ARHGAP31: variants seen among roughly 807,000 people sequenced by gnomAD.
ARHGAP31 encodes rho GTPase-activating protein 31.
Under a neutral mutation model 113.9 loss-of-function variants are expected in ARHGAP31, and 34 were observed. The ratio of observed to expected loss-of-function variants is 0.30; its 90% CI spans 0.23 to 0.40. The LOEUF is 0.40. Among genes scored for constraint, ARHGAP31 ranks in the 10% least tolerant of loss-of-function variants. The pLI is 1.00. For missense variants in ARHGAP31, 1,548 were observed against 1,767.1 expected, an observed-to-expected ratio of 0.88 and a Z score of 2.22; for synonymous variants, 650 against 684.8, an observed-to-expected ratio of 0.95 and a Z score of 0.79.
chr3:119,373,442 T>TG (rs1559983410), intron 3 of ARHGAP31, among the ~76,000 whole-genome samples: 1 of 150,076 alleles, frequency 6.7e-6, no homozygotes, highest in African/African-American at 2.5e-5. Context: ...GGCTTTTTTT[T>TG]TTGTTGTTGT....
chr3:119,354,821 A>G (rs960816616), intron 1 of ARHGAP31, among the ~76,000 whole-genome samples: 2 of 151,010 alleles, frequency 1.3e-5, no homozygotes, highest in South Asian at 4.2e-4. Flanking sequence ...GGGAAGAGGT[A>G]GTTTTTAAAG....
In ARHGAP31 at chr3:119,395,448, C is replaced by G. The variant is rs371833540; in HGVS notation, c.1006+1857C>G. Among the ~76,000 whole-genome samples, 43 of 152,346 alleles carry G rather than the reference C, an allele frequency of 2.8e-4. No homozygotes were observed. The South Asian group carries it at 7.5e-3, about 26-fold the overall frequency. Reference sequence around the variant, plus strand: ...TCCATGTTTTCCCCAGCTGTCCCAGCTGTGTCCCCCTTTGGGTCAGCTTCA... The same window carrying G: ...TCCATGTTTTCCCCAGCTGTCCCAGGTGTGTCCCCCTTTGGGTCAGCTTCA... On this transcript the variant is annotated intron_variant, in intron 8 of 11. Coordinates refer to ENST00000264245, the MANE Select transcript of ARHGAP31 (RefSeq NM_020754.4).
intron 1 of ARHGAP31, among the ~76,000 whole-genome samples, chr3:119,304,593 T>A (rs2079613522): frequency 6.6e-6 from 1 of 152,108 alleles, no homozygotes; most frequent in African/African-American, 2.4e-5. Context: ...CTGGCTGCAG[T>A]GACAGAAGCC....
Position 119,294,494 on chromosome 3 carries a change from C to T in ARHGAP31, c.-411C>T. 2.2e-6 allele frequency: 1 copy of T among 453,614 alleles called. No individual in the cohort carries two copies. Among genetic ancestry groups the T allele is most frequent in the Non-Finnish European group, 3.8e-6 (1 of 263,518 alleles). 28.1% of individuals were successfully genotyped at this position (453,614 alleles called of 1,614,324 possible). A position where few individuals can be genotyped will look rare whatever the true frequency, so the allele number is the denominator to read the frequency against. On this transcript the variant is annotated 5_prime_UTR_variant, in exon 1 of 12. Transcript: ENST00000264245. The stretch of plus-strand genomic sequence containing the variant: ...GCAGGACCCACCGCAGCCCCCTGGG[C>T]AGTCTCCTCGCCCCGCGTCCGCGTC...
intron 1 of ARHGAP31, among the ~76,000 whole-genome samples, chr3:119,326,052 C>T (rs933447456): frequency 5.3e-5 from 8 of 151,952 alleles, no homozygotes; most frequent in Admixed American, 1.3e-4. Flanking sequence ...ATTAGCCGGG[C>T]GTGGTGGTGG....
chr3:119,317,841 T>G (rs1448421293), intron 1 of ARHGAP31, among the ~76,000 whole-genome samples: 1 of 152,216 alleles, frequency 6.6e-6, no homozygotes, highest in Non-Finnish European at 1.5e-5. Context: ...AGCCTCAGTT[T>G]GCTTATCTGG....
intron 1 of ARHGAP31, among the ~76,000 whole-genome samples, chr3:119,351,083 G>A (rs1441861429): frequency 6.6e-6 from 1 of 152,180 alleles, no homozygotes; most frequent in Non-Finnish European, 1.5e-5. Flanking sequence ...GTCTGAGGCT[G>A]GCAGTGGCTG....
chr3:119,417,502 T>C lies in ARHGAP31; in HGVS notation c.*1238T>C, dbSNP rs115845847. 0.014 allele frequency: 2,196 copies of C among 152,218 alleles called. 18 individuals are homozygous for C. The highest frequency in any genetic ancestry group is 0.071 in the Middle Eastern group (21 of 296). 9.4% of individuals were successfully genotyped at this position (152,218 alleles called of 1,614,324 possible). On this transcript the variant is annotated 3_prime_UTR_variant, in exon 12 of 12. Coordinates refer to ENST00000264245, the MANE Select transcript of ARHGAP31 (RefSeq NM_020754.4). ...GCCTCACATCTGTAATCCCAACACT[T>C]TGGGAGGCTGAGATGGGTGGATTGC...
intron 1 of ARHGAP31, among the ~76,000 whole-genome samples, chr3:119,326,826 GATTTCCTTTGTGGCTTAAAGCTCA>G (rs1471064295): frequency 6.6e-6 from 1 of 152,150 alleles, no homozygotes; most frequent in African/African-American, 2.4e-5. Context: ...ATCACTCACT[GATTTCCTTTGTGGCTTAAAGCTCA>G]ATTTCTGTCA....
chr3:119,300,845 AGAAAG>A (rs796349795), intron 1 of ARHGAP31, among the ~76,000 whole-genome samples: 4,452 of 91,328 alleles, frequency 0.049, 242 homozygotes, highest in African/African-American at 0.24. Context: ...AAAAAAAAAA[AGAAAG>A]AAAGAAAGAA....
chr3:119,337,426 G>A (rs929456374), intron 1 of ARHGAP31, among the ~76,000 whole-genome samples: 1 of 151,856 alleles, frequency 6.6e-6, no homozygotes, highest in South Asian at 2.1e-4. Context: ...AGCTCATAAA[G>A]GCAGCACAGA....
intron 10 of ARHGAP31, among the ~76,000 whole-genome samples, chr3:119,408,027 C>CAAGCAACCTAGAGAT (rs147422697): frequency 6.6e-6 from 1 of 151,588 alleles, no homozygotes; most frequent in Non-Finnish European, 1.5e-5. Context: ...TTACATATTA[C>CAAGCAACCTAGAGAT]AAGCAACCTA....
Position 119,321,648 on chromosome 3 carries a change from G to A in ARHGAP31, c.100+26644G>A, listed in dbSNP as rs562519360. On this transcript the variant is annotated intron_variant, in intron 1 of 11. Transcript: ENST00000264245. ...CCTACATATAACATTTTAAGGCTCCGTAGGTTTTGTTTTGTTTTGAGACGG... is the reference window on the plus strand; with the variant it reads ...CCTACATATAACATTTTAAGGCTCCATAGGTTTTGTTTTGTTTTGAGACGG... 9.9e-5 allele frequency among the ~76,000 whole-genome samples: 15 copies of A among 150,926 alleles called. No individual in the cohort carries two copies. In the East Asian group the frequency reaches 2.7e-3, roughly 27 times the overall value.
chr3:119,415,751 A>G lies in ARHGAP31; in HGVS notation c.3822A>G (p.Pro1274=), dbSNP rs2080770358. 2 of 1,614,070 alleles carry G rather than the reference A, an allele frequency of 1.2e-6. No homozygotes were observed. ...ATCCCGGAGCCATTAAGTCCTCACC[A>G]GTGGATGCCACTGCACCCTGCATGT... The part of the protein sequence containing the change: ...KQDPGAIKSS[P]VDATAPCMCE... Residue 1274 remains proline (P), a synonymous_variant, in exon 12 of 12, where the codon CCA becomes CCG. Transcript: ENST00000264245.
intron 1 of ARHGAP31, among the ~76,000 whole-genome samples, chr3:119,314,069 C>G (rs898087927): frequency 2.0e-5 from 3 of 152,206 alleles, no homozygotes; most frequent in African/African-American, 7.2e-5. Flanking sequence ...TCTGCAGCCT[C>G]AATGGACACA....
At chr3:119,351,379 A>C (rs1418377556) in intron 1 of ARHGAP31, among the ~76,000 whole-genome samples, 1 of 152,104 alleles carries the variant, frequency 6.6e-6, no homozygotes, top group African/African-American at 2.4e-5. Flanking sequence ...CCTAGTGTGG[A>C]GGTTATGCTT....
chr3:119,341,530 TAAG>T (rs1405873100), intron 1 of ARHGAP31, among the ~76,000 whole-genome samples: 1 of 152,182 alleles, frequency 6.6e-6, no homozygotes, highest in Non-Finnish European at 1.5e-5. Flanking sequence ...ACATAGCTTG[TAAG>T]AAGAAAATCT....
chr3:119,380,915 G>C lies in ARHGAP31; in HGVS notation c.360G>C (p.Ser120=). ...ELYEKFTEAV[S]HCPEEGQLAR... ...GTTCTTCTCCACAGGAGGCAGTGTC[G>C]CATTGCCCTGAAGAAGGCCAACTGG... The change falls in exon 4 of 12, where the codon TCG becomes TCC. Residue 120 remains serine (S), a synonymous_variant. Transcript: ENST00000264245. 1 of 1,614,018 alleles carries C rather than the reference G, an allele frequency of 6.2e-7. No homozygotes were observed. Among genetic ancestry groups the C allele is most frequent in the Non-Finnish European group, 8.5e-7 (1 of 1,179,912 alleles).
At chr3:119,346,718 A>C (rs967844872) in intron 1 of ARHGAP31, among the ~76,000 whole-genome samples, 2 of 152,224 alleles carry the variant, frequency 1.3e-5, no homozygotes, top group African/African-American at 4.8e-5. Flanking sequence ...GGGCAGAAAG[A>C]AGCCCAGGTA....
Sources: allele counts gnomAD v4.1 joint callset (sites outside exome capture counted in the v4.1 genomes callset), GRCh38; gene constraint gnomAD v4.1.1; transcripts MANE v1.5; gene names NCBI Gene and HGNC (gene_info 2026-07-23, HGNC 2026-07-21).